Variants in ASTN2 observed in about 807,000 individuals in gnomAD.
ASTN2 encodes the protein astrotactin-2.
A neutral mutation model predicts 139.8 loss-of-function variants in ASTN2; 54 were observed. The observed-to-expected ratio is 0.39, with a 90% CI of 0.31 to 0.48. The LOEUF (loss-of-function observed/expected upper bound fraction) is 0.48. ASTN2 is among the 20% of genes least tolerant of loss of function. The pLI is 0.95. For synonymous variants in ASTN2, 756 were observed against 719.5 expected, an observed-to-expected ratio of 1.05 and a Z score of -0.81; for missense variants, 1,565 against 1,725.1, an observed-to-expected ratio of 0.91 and a Z score of 1.64.
At chr9:117,132,589 T>C (rs1829852323) in intron 4 of ASTN2, among the ~76,000 whole-genome samples, 1 of 152,138 alleles carries the variant, frequency 6.6e-6, no homozygotes, top group African/African-American at 2.4e-5. Flanking sequence ...GAAGGAGACA[T>C]ACACTTTCAG....
At chr9:116,794,928 C>G (rs923751367) in intron 13 of ASTN2, among the ~76,000 whole-genome samples, 3 of 152,090 alleles carry the variant, frequency 2.0e-5, no homozygotes, top group African/African-American at 7.2e-5. Context: ...TCCTATTGGG[C>G]AAGTGGCACT....
intron 6 of ASTN2, among the ~76,000 whole-genome samples, chr9:117,037,531 G>A (rs891434600): frequency 1.3e-5 from 2 of 152,204 alleles, no homozygotes; most frequent in African/African-American, 4.8e-5. Flanking sequence ...GGCAGACAAA[G>A]GAGCAAGTAT....
chr9:116,882,907 G>T (rs943810406), intron 10 of ASTN2, among the ~76,000 whole-genome samples: 1 of 152,132 alleles, frequency 6.6e-6, no homozygotes, highest in Non-Finnish European at 1.5e-5. Context: ...AGTGCCGAAG[G>T]GGGTGTAGTG....
At chr9:116,664,052 T>G (rs570080117) in intron 16 of ASTN2, among the ~76,000 whole-genome samples, 3 of 152,158 alleles carry the variant, frequency 2.0e-5, no homozygotes, top group Non-Finnish European at 4.4e-5. Context: ...ATCACAGTAA[T>G]CAGCAATAAA....
intron 4 of ASTN2, among the ~76,000 whole-genome samples, chr9:117,127,610 T>G (rs2132828464): frequency 6.6e-6 from 1 of 151,790 alleles, no homozygotes; most frequent in South Asian, 2.1e-4. Flanking sequence ...AAGACTGGGG[T>G]TTCATTACTC....
intron 13 of ASTN2, among the ~76,000 whole-genome samples, chr9:116,745,272 C>A (rs147075770): frequency 6.6e-6 from 1 of 152,194 alleles, no homozygotes; most frequent in Non-Finnish European, 1.5e-5. Context: ...TCGACTTGTG[C>A]ATTCTCAAGG....
chr9:117,136,623 G>C (rs920398182), intron 4 of ASTN2, among the ~76,000 whole-genome samples: 2 of 152,194 alleles, frequency 1.3e-5, no homozygotes, highest in African/African-American at 4.8e-5. Flanking sequence ...TCACCCAGCT[G>C]TCAGGGTAGA....
At chr9:116,435,542 G>A (rs558495323) in intron 22 of ASTN2, among the ~76,000 whole-genome samples, 4 of 152,048 alleles carry the variant, frequency 2.6e-5, no homozygotes, top group South Asian at 4.2e-4. Flanking sequence ...CTTTCACTTC[G>A]AACTCTCTTC....
chr9:116,437,724 C>T (rs909696486), intron 22 of ASTN2: 2 of 385,490 alleles, frequency 5.2e-6, no homozygotes, highest in Non-Finnish European at 1.0e-5. Context: ...ATGACTCACA[C>T]AGCGGCTTTC....
At chr9:116,945,413 C>G (rs989328523) in intron 10 of ASTN2, among the ~76,000 whole-genome samples, 1 of 152,172 alleles carries the variant, frequency 6.6e-6, no homozygotes, top group Non-Finnish European at 1.5e-5. Flanking sequence ...GAGAATAAAA[C>G]TCAGCCTTTT....
chr9:116,573,095 T>A (rs565599352), intron 19 of ASTN2, among the ~76,000 whole-genome samples: 1 of 152,024 alleles, frequency 6.6e-6, no homozygotes, highest in Admixed American at 6.5e-5. Flanking sequence ...GCTAATATCG[T>A]GGGGTTTGAG....
chr9:116,921,870 C>T (rs906064307), intron 10 of ASTN2, among the ~76,000 whole-genome samples: 2 of 152,116 alleles, frequency 1.3e-5, no homozygotes, highest in African/African-American at 4.8e-5. Context: ...CACTGGGTCC[C>T]TCTCTTGACA....
At chr9:116,955,884 GC>G (rs1835691800) in intron 10 of ASTN2, among the ~76,000 whole-genome samples, 1 of 152,116 alleles carries the variant, frequency 6.6e-6, no homozygotes, top group Non-Finnish European at 1.5e-5. Flanking sequence ...ATCTCTGCAT[GC>G]AGGAGTTTCA....
At chr9:117,326,005 T>C (rs546794931) in intron 1 of ASTN2, among the ~76,000 whole-genome samples, 18 of 151,978 alleles carry the variant, frequency 1.2e-4, no homozygotes, top group Non-Finnish European at 2.1e-4. Flanking sequence ...GGTGGGGCAT[T>C]CTCATCCCTT....
At chr9:117,100,546 AC>A (rs1031011920) in intron 4 of ASTN2, among the ~76,000 whole-genome samples, 1 of 152,214 alleles carries the variant, frequency 6.6e-6, no homozygotes, top group Admixed American at 6.5e-5. Context: ...AGTCTTCAAA[AC>A]CCAGTATGCA....
intron 2 of ASTN2, among the ~76,000 whole-genome samples, chr9:117,275,968 T>A (rs1374202974): frequency 6.6e-6 from 1 of 152,176 alleles, no homozygotes; most frequent in African/African-American, 2.4e-5. Flanking sequence ...CTTCAACATA[T>A]TAATTTGCAG....
chr9:117,289,015 G>C (rs759480753), intron 2 of ASTN2, among the ~76,000 whole-genome samples: 1 of 152,164 alleles, frequency 6.6e-6, no homozygotes, highest in African/African-American at 2.4e-5. Context: ...GCTCATACCC[G>C]AGTTCAGTGT....
chr9:116,958,953 T>G (rs13283397), intron 10 of ASTN2, among the ~76,000 whole-genome samples: 68,032 of 152,014 alleles, frequency 0.45, 18,192 homozygotes, highest in Non-Finnish European at 0.6. Context: ...CTGACTGCCA[T>G]GTGGGGCCTC....
rs568130674 is a variant in ASTN2 at position 117,016,815 on chromosome 9, A to T, written c.1424-8556T>A. 2.5e-3 allele frequency among the ~76,000 whole-genome samples: 364 copies of T among 142,860 alleles called. 3 individuals carry two copies. Among genetic ancestry groups the T allele is most frequent in the Non-Finnish European group, 3.3e-3 (218 of 65,922 alleles). 93.7% of individuals were successfully genotyped at this position (142,860 alleles called of 152,430 possible). A position where few individuals can be genotyped will look rare whatever the true frequency, so the allele number is the denominator to read the frequency against. ...TATATATAGGTTATATATATGTTTTATATATATATATATGTTTTTCCAAAT... is the reference window on the plus strand; with the variant it reads ...TATATATAGGTTATATATATGTTTTTTATATATATATATGTTTTTCCAAAT... On this transcript the variant is annotated intron_variant, in intron 6 of 22. Transcript: ENST00000313400.
Sources: allele counts gnomAD v4.1 joint callset (sites outside exome capture counted in the v4.1 genomes callset), GRCh38; gene constraint gnomAD v4.1.1; transcripts MANE v1.5; gene names NCBI Gene and HGNC (gene_info 2026-07-23, HGNC 2026-07-21).